PSD3: variants seen among roughly 807,000 people sequenced by gnomAD.
PSD3 encodes the protein pleckstrin and Sec7 domain containing 3, also known as PH and SEC7 domain-containing protein 3.
In PSD3, 49 loss-of-function variants were observed where a neutral mutation model predicts 105.5. The ratio of observed to expected loss-of-function variants is 0.46; its 90% CI spans 0.37 to 0.59. The LOEUF (loss-of-function observed/expected upper bound fraction) is 0.59, where lower values mean the gene tolerates loss of function less well. Among genes scored for constraint, PSD3 ranks in the 20% least tolerant of loss-of-function variants. The pLI is 0.00. For synonymous variants in PSD3, 557 were observed against 457.8 expected (o/e 1.22, Z -2.77); for missense variants, 1,561 against 1,263.8 (o/e 1.24, Z -3.57).
intron 11 of PSD3, among the ~76,000 whole-genome samples, chr8:18,604,737 T>C (rs529601588): frequency 1.7e-4 from 26 of 152,180 alleles, no homozygotes; most frequent in Non-Finnish European, 2.9e-4. Context: ...AGGGCACTGC[T>C]GCCCTGTGAA....
intron 9 of PSD3, among the ~76,000 whole-genome samples, chr8:18,698,564 C>A (rs1402470631): frequency 1.3e-5 from 2 of 152,138 alleles, no homozygotes; most frequent in Non-Finnish European, 2.9e-5. Context: ...AAAAGACAAG[C>A]AAAAAGATTC....
At chr8:18,998,107 T>C (rs1320172922) in intron 1 of PSD3, among the ~76,000 whole-genome samples, 1 of 151,958 alleles carries the variant, frequency 6.6e-6, no homozygotes, top group African/African-American at 2.4e-5. Flanking sequence ...AATGAATGTA[T>C]GAATGAAGGA....
chr8:18,954,078 A>C (rs923674316), intron 1 of PSD3, among the ~76,000 whole-genome samples: 1 of 152,136 alleles, frequency 6.6e-6, no homozygotes, highest in Admixed American at 6.5e-5. Flanking sequence ...CAGGCCATTT[A>C]ATGTATACAC....
intron 1 of PSD3, among the ~76,000 whole-genome samples, chr8:18,942,436 G>T (rs1822606328): frequency 6.6e-6 from 1 of 152,156 alleles, no homozygotes; most frequent in East Asian, 1.9e-4. Flanking sequence ...AGAAGCTCAA[G>T]GCTAATGCTG....
intron 1 of PSD3, among the ~76,000 whole-genome samples, chr8:19,064,946 C>G (rs1334580937): frequency 6.6e-6 from 1 of 152,164 alleles, no homozygotes; most frequent in African/African-American, 2.4e-5. Flanking sequence ...TAGGTCCCAA[C>G]AGAACAGACC....
At chr8:18,714,469 A>G (rs1439846218) in intron 9 of PSD3, among the ~76,000 whole-genome samples, 1 of 152,074 alleles carries the variant, frequency 6.6e-6, no homozygotes, top group Non-Finnish European at 1.5e-5. Context: ...AAAGCAGGCA[A>G]AGGACATGAA....
At chr8:19,083,870 G>A (rs1829723518) in intron 1 of PSD3, among the ~76,000 whole-genome samples, 1 of 152,194 alleles carries the variant, frequency 6.6e-6, no homozygotes, top group Non-Finnish European at 1.5e-5. Context: ...CACATCACAG[G>A]ACCCAATAAA....
At chr8:18,869,258 C>A (rs149570395) in intron 3 of PSD3, among the ~76,000 whole-genome samples, 17 of 147,644 alleles carry the variant, frequency 1.2e-4, no homozygotes, top group Non-Finnish European at 1.0e-4. Context: ...GGTGCAATCT[C>A]GGCTCACTGC....
chr8:18,946,231 C>A (rs1180552076), intron 1 of PSD3, among the ~76,000 whole-genome samples: 1 of 152,030 alleles, frequency 6.6e-6, no homozygotes, highest in Non-Finnish European at 1.5e-5. Context: ...GTTTATCTGG[C>A]AATAAAGAGG....
intron 1 of PSD3, among the ~76,000 whole-genome samples, chr8:19,037,442 G>A (rs1414417123): frequency 6.6e-6 from 1 of 152,248 alleles, no homozygotes; most frequent in Non-Finnish European, 1.5e-5. Context: ...GGAAGGATTT[G>A]TGATGGCCGA....
intron 10 of PSD3, among the ~76,000 whole-genome samples, chr8:18,634,724 G>A (rs1369927616): frequency 1.3e-5 from 2 of 152,164 alleles, no homozygotes; most frequent in Admixed American, 6.6e-5. Flanking sequence ...CTGGATAGAC[G>A]TTATGCATTT....
intron 1 of PSD3, among the ~76,000 whole-genome samples, chr8:19,049,478 C>T (rs1371367234): frequency 6.6e-6 from 1 of 152,028 alleles, no homozygotes; most frequent in Non-Finnish European, 1.5e-5. Flanking sequence ...ATGCTTGAGG[C>T]CAGAAGTTCA....
In PSD3 at chr8:18,765,805, A is replaced by G. The variant is rs1806936838; in HGVS notation, c.2083-267T>C. 2.0e-5 allele frequency among the ~76,000 whole-genome samples: 3 copies of G among 152,170 alleles called. No homozygotes were observed. In the South Asian group the frequency reaches 6.3e-4, roughly 32 times the overall value. On this transcript the variant is annotated intron_variant, in intron 8 of 15. Transcript: ENST00000327040. ...GTTTAGTAAAAACCCCGTCTCTACT[A>G]AAAATACAAAGAATTAGTTTGGCAT...
rs1258125339 is a variant in PSD3 at position 18,867,791 on chromosome 8, C to T, written c.1517G>A (p.Ser506Asn). 1 of 1,614,180 alleles carries T rather than the reference C, an allele frequency of 6.2e-7. No homozygotes were observed. Among genetic ancestry groups the T allele is most frequent in the Non-Finnish European group, 8.5e-7 (1 of 1,180,026 alleles). ...CACGATGCCACCATCTGCAGACACA[C>T]TCAGGATATCCTGATGTCCTCCCCC... is the stretch of plus-strand genomic sequence containing the variant. Reference protein sequence around the residue: ...TSGGGHQDILSVSADGGIVMG... With the variant: ...TSGGGHQDILNVSADGGIVMG... The change falls in exon 4 of 16, where the codon AGT becomes AAT. Residue 506 changes from serine to asparagine, a missense_variant. By Grantham distance (46) the Ser-to-Asn change is conservative. Transcript: ENST00000327040.
intron 2 of PSD3, among the ~76,000 whole-genome samples, chr8:18,935,393 G>A (rs1822041995): frequency 6.6e-6 from 1 of 151,954 alleles, no homozygotes; most frequent in South Asian, 2.1e-4. Flanking sequence ...CAAGCACCAA[G>A]GGCTGGGCAC....
chr8:18,680,822 C>G (rs1800344603), intron 9 of PSD3, among the ~76,000 whole-genome samples: 1 of 152,042 alleles, frequency 6.6e-6, no homozygotes, highest in Non-Finnish European at 1.5e-5. Context: ...CTGGAAAATT[C>G]AATTTTCTTA....
At chr8:19,073,945 C>T (rs1408909680) in intron 1 of PSD3, among the ~76,000 whole-genome samples, 1 of 151,996 alleles carries the variant, frequency 6.6e-6, no homozygotes, top group Non-Finnish European at 1.5e-5. Flanking sequence ...CGCCTGCCAC[C>T]ACGCCTGGCT....
chr8:18,828,724 G>A (rs893738350), intron 4 of PSD3, among the ~76,000 whole-genome samples: 7 of 152,128 alleles, frequency 4.6e-5, no homozygotes, highest in Non-Finnish European at 8.8e-5. Context: ...ATTTTGGGAG[G>A]CTGAGGCAAG....
chr8:18,794,982 T>G (rs188975992), intron 8 of PSD3, among the ~76,000 whole-genome samples: 3 of 152,268 alleles, frequency 2.0e-5, no homozygotes, highest in Admixed American at 2.0e-4. Flanking sequence ...AACCAAATAT[T>G]TATCCACTAT....
Sources: allele counts gnomAD v4.1 joint callset (sites outside exome capture counted in the v4.1 genomes callset), GRCh38; gene constraint gnomAD v4.1.1; transcripts MANE v1.5; gene names NCBI Gene and HGNC (gene_info 2026-07-23, HGNC 2026-07-21).